HNRNPH2: variants seen among roughly 807,000 people sequenced by gnomAD.
The protein encoded by HNRNPH2 is heterogeneous nuclear ribonucleoprotein H2, also known as FTP-3.
For synonymous variants in HNRNPH2, 128 were observed against 128.2 expected, an observed-to-expected ratio of 1.00 and a Z score of 0.01; for missense variants, 115 against 352.9, an observed-to-expected ratio of 0.33 and a Z score of 5.40.
At position 101,410,837 on chromosome X, in the gene HNRNPH2, T is replaced by C. The variant is rs1404426073; in HGVS notation, c.-53-1099T>C. Among the ~76,000 whole-genome samples, 8 of 111,498 alleles carry C rather than the reference T, an allele frequency of 7.2e-5. No individual in the cohort carries two copies. In the Admixed American group the frequency reaches 7.7e-4, roughly 11 times the overall value. Reference sequence around the variant, plus strand: ...TGGGATCTGATCTATGCCTTGCCAGTCTTTTCACTTGCTTTTCCCTCTCCT... The same window carrying C: ...TGGGATCTGATCTATGCCTTGCCAGCCTTTTCACTTGCTTTTCCCTCTCCT... On this transcript the variant is annotated intron_variant, in intron 1 of 1. Transcript: ENST00000316594.
At chrX:101,408,421 T>C in intron 1 of HNRNPH2, 102 bp downstream of exon 1, 3 of 144,403 alleles carry the variant, frequency 2.1e-5, no homozygotes, top group East Asian at 1.8e-4. Flanking sequence ...TGCTTTCCCC[T>C]CCCCCCTCGC....
In HNRNPH2 at chrX:101,412,537, C is replaced by A. The variant is rs782482608; in HGVS notation, c.549C>A (p.Ile183=). 8.3e-7 allele frequency: 1 copy of A among 1,211,651 alleles called. No homozygotes were observed. The highest frequency in any genetic ancestry group is 1.8e-5 in the South Asian group (1 of 57,028). ...GAATAGGGCACAGGTACATTGAGAT[C>A]TTCAAGAGTAGCCGAGCTGAAGTTC... is the stretch of plus-strand genomic sequence containing the variant. ...KERIGHRYIE[I]FKSSRAEVRT... The change falls in exon 2 of 2, where the codon ATC becomes ATA. Residue 183 remains isoleucine, a synonymous_variant. Coordinates refer to ENST00000316594, the MANE Select transcript of HNRNPH2 (RefSeq NM_019597.5).
chrX:101,412,218 C>T lies in HNRNPH2; in HGVS notation c.230C>T (p.Thr77Ile). 2 of 1,211,848 alleles carry T rather than the reference C, an allele frequency of 1.7e-6. No individual in the cohort carries two copies. The highest frequency in any genetic ancestry group is 2.2e-6 in the Non-Finnish European group (2 of 895,405). Residue 77 changes from threonine (T) to isoleucine (I), a missense_variant, in exon 2 of 2, where the codon ACC becomes ATC. Thr to Ile is a moderately conservative substitution (Grantham distance 89). Transcript: ENST00000316594. ...VKLALKKDRETMGHRYVEVFK... is the reference protein window; with the variant it reads ...VKLALKKDREIMGHRYVEVFK... ...TTGGCTTTGAAGAAGGACAGAGAAACCATGGGACACAGATACGTTGAAGTA... is the reference window on the plus strand; with the variant it reads ...TTGGCTTTGAAGAAGGACAGAGAAATCATGGGACACAGATACGTTGAAGTA...
At chrX:101,410,953 A>G (rs1273747585) in intron 1 of HNRNPH2, among the ~76,000 whole-genome samples, 1 of 111,739 alleles carries the variant, frequency 8.9e-6, no homozygotes, top group African/African-American at 3.3e-5. Context: ...CCTCCAACCA[A>G]TAGAACTGAT....
intron 1 of HNRNPH2, among the ~76,000 whole-genome samples, chrX:101,411,241 T>TTATATTATA (rs1928781029): frequency 9.1e-6 from 1 of 110,486 alleles, no homozygotes; most frequent in Non-Finnish European, 1.9e-5. Flanking sequence ...TTGCATACAT[T>TTATATTATA]TTTATATAAT....
rs200532259 is a variant in HNRNPH2, at chrX:101,412,957, C to A, written c.969C>A (p.Pro323=). 8.3e-7 allele frequency: 1 copy of A among 1,210,504 alleles called. No individual in the cohort carries two copies. The highest frequency in any genetic ancestry group is 1.1e-6 in the Non-Finnish European group (1 of 894,748). ...NPMRVHIEIG[P]DGRVTGEADV... is the part of the protein sequence containing the mutation. The stretch of plus-strand genomic sequence containing the variant: ...TGAGAGTACATATTGAAATTGGACC[C>A]GATGGCAGAGTTACCGGTGAGGCAG... Residue 323 remains proline, a synonymous_variant, in exon 2 of 2, where the codon CCC becomes CCA. Transcript: ENST00000316594.
rs952857099 is a variant in HNRNPH2, at chrX:101,411,219, G to A, written c.-53-717G>A. Among the ~76,000 whole-genome samples the A allele has an allele frequency of 3.6e-5, 4 of 109,773 alleles. No individual in the cohort carries two copies. The Admixed American group carries it at 3.9e-4, about 11-fold the overall frequency. ...ATCTCTGGAGCCCAAATATTTCCCTGATTTTATTGATTTGCATACATTTTT... is the reference window on the plus strand; with the variant it reads ...ATCTCTGGAGCCCAAATATTTCCCTAATTTTATTGATTTGCATACATTTTT... On this transcript the variant is annotated intron_variant, in intron 1 of 1. Coordinates refer to ENST00000316594, the MANE Select transcript of HNRNPH2 (RefSeq NM_019597.5).
intron 1 of HNRNPH2, among the ~76,000 whole-genome samples, chrX:101,411,239 AT>A (rs1308155916): frequency 7.3e-5 from 8 of 110,232 alleles, no homozygotes; most frequent in African/African-American, 2.3e-4. Flanking sequence ...ATTTGCATAC[AT>A]TTTTATATAA....
At chrX:101,410,231 A>G (rs1439246880) in intron 1 of HNRNPH2, among the ~76,000 whole-genome samples, 1 of 112,608 alleles carries the variant, frequency 8.9e-6, no homozygotes, top group African/African-American at 3.2e-5. Flanking sequence ...ATTTCAGATC[A>G]TCTCCTTAGG....
rs1195711727 is a variant in HNRNPH2 at position 101,413,944 on chromosome X, C to CT, written c.*619dup. 1,499 of 107,011 alleles carry CT rather than the reference C, an allele frequency of 0.014. No individual in the cohort carries two copies. The highest frequency in any genetic ancestry group is 7.9e-3 in the African/African-American group (220 of 27,926). 8.8% of individuals were successfully genotyped at this position (107,011 alleles called of 1,213,427 possible). A position where few individuals can be genotyped will look rare whatever the true frequency, so the allele number is the denominator to read the frequency against. Reference sequence around the variant, plus strand: ...ATCCTGTAAGGCACGTGAGTGTACACTTTTTTTTTTTTTAAGGATACGGGA... The same window carrying CT: ...ATCCTGTAAGGCACGTGAGTGTACACTTTTTTTTTTTTTTAAGGATACGGGA... On this transcript the variant is annotated 3_prime_UTR_variant, in exon 2 of 2. Transcript: ENST00000316594.
rs1390713393 is a variant in HNRNPH2 at position 101,413,994 on chromosome X, C to CT, written c.*659dup. The CT allele has an allele frequency of 8.4e-6, 1 of 119,501 alleles. No homozygotes were observed. The highest frequency in any genetic ancestry group is 3.4e-5 in the African/African-American group (1 of 29,607). 9.8% of individuals were successfully genotyped at this position (119,501 alleles called of 1,213,427 possible). On this transcript the variant is annotated 3_prime_UTR_variant, in exon 2 of 2. Transcript: ENST00000316594. ...ACAATTTTAAGATGTAATACCAATA[C>CT]TTTAGAAGTTTGGTCGTGTCGTTTG...
Position 101,412,598 on chromosome X carries a change from A to G in HNRNPH2, c.610A>G (p.Met204Val), listed in dbSNP as rs1272771145. Reference protein sequence around the residue: ...HYDPPRKLMAMQRPGPYDRPG... With the variant: ...HYDPPRKLMAVQRPGPYDRPG... Reference sequence around the variant, plus strand: ...TGATCCCCCTCGAAAGCTCATGGCTATGCAGCGGCCAGGTCCCTATGATAG... The same window carrying G: ...TGATCCCCCTCGAAAGCTCATGGCTGTGCAGCGGCCAGGTCCCTATGATAG... The change falls in exon 2 of 2, where the codon ATG becomes GTG. Residue 204 changes from methionine (M) to valine (V), a missense_variant. Coordinates refer to ENST00000316594, the MANE Select transcript of HNRNPH2 (RefSeq NM_019597.5). The G allele has an allele frequency of 3.3e-6, 4 of 1,210,522 alleles. No individual in the cohort carries two copies. The highest frequency in any genetic ancestry group is 2.2e-5 in the Admixed American group (1 of 45,833).
At chrX:101,411,097 T>C (rs1179938543) in intron 1 of HNRNPH2, among the ~76,000 whole-genome samples, 2 of 111,740 alleles carry the variant, frequency 1.8e-5, no homozygotes, top group African/African-American at 6.5e-5. Flanking sequence ...TCTGGGCTTA[T>C]TGATTCTTGT....
At chrX:101,408,657 A>C (rs1179357779) in intron 1 of HNRNPH2, among the ~76,000 whole-genome samples, 1 of 111,208 alleles carries the variant, frequency 9.0e-6, no homozygotes, top group Non-Finnish European at 1.9e-5. Flanking sequence ...GTGCTGGTCT[A>C]TCCATTCAGG....
rs1928820358 is a variant in HNRNPH2 at position 101,411,916 on chromosome X, CTTCTT to C, written c.-53-17_-53-13del. 9.0e-7 allele frequency: 1 copy of C among 1,108,021 alleles called. No homozygotes were observed. The allele number at this position is 1,108,021 out of a possible 1,213,427, so 91.3% of individuals were successfully genotyped here. ...ACGAGCATTTTTCCATGACAGTAGT[CTTCTT>C]TTTTTTTTTTTCAGCTACACCAAAA... On this transcript the variant is annotated splice_polypyrimidine_tract_variant and intron_variant, in intron 1 of 1. Transcript: ENST00000316594.
chrX:101,412,342 C>T lies in HNRNPH2; in HGVS notation c.354C>T (p.Leu118=), dbSNP rs187455610. 4.5e-5 allele frequency: 54 copies of T among 1,210,461 alleles called. No individual in the cohort carries two copies. The East Asian group carries it at 1.5e-3, about 33-fold the overall frequency. Reference sequence around the variant, plus strand: ...ATGGCTTCGTCCGGCTTAGAGGACTCCCATTTGGCTGTAGCAAGGAAGAGA... The same window carrying T: ...ATGGCTTCGTCCGGCTTAGAGGACTTCCATTTGGCTGTAGCAAGGAAGAGA... ...ANDGFVRLRG[L]PFGCSKEEIV... Residue 118 remains leucine, a synonymous_variant, in exon 2 of 2, where the codon CTC becomes CTT. Transcript: ENST00000316594.
At chrX:101,409,985 A>G (rs1555987875) in intron 1 of HNRNPH2, among the ~76,000 whole-genome samples, 1 of 111,697 alleles carries the variant, frequency 9.0e-6, no homozygotes, top group African/African-American at 3.3e-5. Context: ...ATTTGTAAGT[A>G]TTTCTGTTGA....
chrX:101,409,324 C>G (rs1157773813), intron 1 of HNRNPH2, among the ~76,000 whole-genome samples: 1 of 111,957 alleles, frequency 8.9e-6, no homozygotes, highest in South Asian at 3.6e-4. Context: ...GTTTTATGGC[C>G]GTTATTACAC....
Position 101,408,227 on chromosome X carries a change from C to T in HNRNPH2, c.-146C>T, listed in dbSNP as rs1014289130. ...ACGTAGGCGCTCACGTGATTACTCG[C>T]TTACGTGAGCAGAAGTAGTTCTGGT... is the stretch of plus-strand genomic sequence containing the variant. On this transcript the variant is annotated 5_prime_UTR_variant, in exon 1 of 2. Coordinates refer to ENST00000316594, the MANE Select transcript of HNRNPH2 (RefSeq NM_019597.5). 3.0e-6 allele frequency: 1 copy of T among 331,182 alleles called. No homozygotes were observed. Among genetic ancestry groups the T allele is most frequent in the African/African-American group, 2.7e-5 (1 of 37,658 alleles). The allele number at this position is 331,182 out of a possible 1,213,427, so 27.3% of individuals were successfully genotyped here.
Sources: allele counts gnomAD v4.1 joint callset (sites outside exome capture counted in the v4.1 genomes callset), GRCh38; gene constraint gnomAD v4.1.1; transcripts MANE v1.5; gene names NCBI Gene and HGNC (gene_info 2026-07-23, HGNC 2026-07-21).